ZSCAN22: variants seen among roughly 807,000 people sequenced by gnomAD.
ZSCAN22 encodes the protein zinc finger and SCAN domain-containing protein 22.
In ZSCAN22, 7 loss-of-function variants were observed where a neutral mutation model predicts 12.4. The observed-to-expected ratio is 0.57, with a 90% CI of 0.32 to 1.06. The LOEUF (loss-of-function observed/expected upper bound fraction) is 1.06, where lower values mean the gene tolerates loss of function less well. Among genes scored for constraint, ZSCAN22 ranks in the 50% least tolerant of loss-of-function variants. The pLI, the probability that ZSCAN22 is intolerant of heterozygous loss-of-function variation, is 0.04. For missense variants in ZSCAN22, 576 were observed against 631.7 expected (o/e 0.91, Z 0.94); for synonymous variants, 243 against 255.9 (o/e 0.95, Z 0.48).
Position 58,335,084 on chromosome 19 carries a change from G to A in ZSCAN22, c.282G>A (p.Leu94=). The change falls in exon 2 of 3, where the codon CTG becomes CTA. Residue 94 remains leucine (L), a synonymous_variant. Coordinates refer to ENST00000329665, the MANE Select transcript of ZSCAN22 (RefSeq NM_181846.3). This position sits in a 1 kb window ranked among gnomAD's most constrained non-coding sequence, Gnocchi z 4.1. ...SKEQILELLV[L]EQFLGALPPE... is the part of the protein sequence containing the mutation. ...AGCAGATACTGGAGCTGCTGGTGCTGGAGCAGTTCCTGGGTGCGCTGCCCC... is the reference window on the plus strand; with the variant it reads ...AGCAGATACTGGAGCTGCTGGTGCTAGAGCAGTTCCTGGGTGCGCTGCCCC... The A allele has an allele frequency of 6.2e-7, 1 of 1,614,150 alleles. No individual in the cohort carries two copies. The highest frequency in any genetic ancestry group is 8.5e-7 in the Non-Finnish European group (1 of 1,180,040).
At position 58,339,980 on chromosome 19, in the gene ZSCAN22, C is replaced by T. The variant is rs570334442; in HGVS notation, c.*654C>T. 7.5e-4 allele frequency: 115 copies of T among 153,088 alleles called. 1 individual carries two copies. The highest frequency in any genetic ancestry group is 2.2e-4 in the Non-Finnish European group (15 of 68,296). The allele number at this position is 153,088 out of a possible 1,614,324, so 9.5% of individuals were successfully genotyped here. Reference sequence around the variant, plus strand: ...CCTTCCACATCCCACCAGTCACCAGCGCTATTGTTTTAACCTAAAGCTTAT... The same window carrying T: ...CCTTCCACATCCCACCAGTCACCAGTGCTATTGTTTTAACCTAAAGCTTAT... On this transcript the variant is annotated 3_prime_UTR_variant, in exon 3 of 3. Coordinates refer to ENST00000329665, the MANE Select transcript of ZSCAN22 (RefSeq NM_181846.3). The surrounding 1 kb of genome is among the most constrained non-coding windows in gnomAD (Gnocchi z 5.6).
rs765287696 is a variant in ZSCAN22, at chr19:58,338,895, G to C, written c.1045G>C (p.Glu349Gln). Residue 349 changes from glutamate (E) to glutamine (Q), a missense_variant, in exon 3 of 3, where the codon GAG becomes CAG. Coordinates refer to ENST00000329665, the MANE Select transcript of ZSCAN22 (RefSeq NM_181846.3). This position sits in a 1 kb window ranked among gnomAD's most constrained non-coding sequence, Gnocchi z 5.4. The stretch of plus-strand genomic sequence containing the variant: ...TCAGCACCAAAGGATTCATACTGGA[G>C]AGAAACCCTACAAATGTGGGGAATG... Reference protein sequence around the residue: ...LTQHQRIHTGEKPYKCGECGK... With the variant: ...LTQHQRIHTGQKPYKCGECGK... 1.7e-5 allele frequency: 27 copies of C among 1,614,074 alleles called. No homozygotes were observed. The South Asian group carries it at 2.9e-4, about 17-fold the overall frequency.
At position 58,338,972 on chromosome 19, in the gene ZSCAN22, C is replaced by T. The variant is rs767473833; in HGVS notation, c.1122C>T (p.His374=). ...STHLTQHQRV[H]TGERPYECDA... Reference sequence around the variant, plus strand: ...ACCTCACCCAGCACCAGCGGGTGCACACGGGGGAGCGGCCCTACGAGTGTG... The same window carrying T: ...ACCTCACCCAGCACCAGCGGGTGCATACGGGGGAGCGGCCCTACGAGTGTG... Residue 374 remains histidine, a synonymous_variant, in exon 3 of 3, where the codon CAC becomes CAT. Coordinates refer to ENST00000329665, the MANE Select transcript of ZSCAN22 (RefSeq NM_181846.3). The surrounding 1 kb of genome is among the most constrained non-coding windows in gnomAD (Gnocchi z 5.4). 1.9e-6 allele frequency: 3 copies of T among 1,613,098 alleles called. No individual in the cohort carries two copies. Among genetic ancestry groups the T allele is most frequent in the South Asian group, 1.1e-5 (1 of 91,004 alleles).
At chr19:58,334,669 C>T in intron 1 of ZSCAN22, 83 bp from the exon 2 acceptor site, 2 of 1,043,622 alleles carry the variant, frequency 1.9e-6, no homozygotes, top group Non-Finnish European at 2.7e-6. Context: ...TCTCACGGGC[C>T]ACAAGCCTGT....
chr19:58,328,347 T>C (rs2051681304), intron 1 of ZSCAN22, among the ~76,000 whole-genome samples: 1 of 152,214 alleles, frequency 6.6e-6, no homozygotes, highest in Non-Finnish European at 1.5e-5. Flanking sequence ...GATTTGTGCT[T>C]TGCCATGTCT....
Position 58,329,930 on chromosome 19 carries a change from G to T in ZSCAN22, c.-52+2816G>T, listed in dbSNP as rs1166110726. On this transcript the variant is annotated intron_variant, in intron 1 of 2. Coordinates refer to ENST00000329665, the MANE Select transcript of ZSCAN22 (RefSeq NM_181846.3). This position sits in a 1 kb window ranked among gnomAD's most constrained non-coding sequence, Gnocchi z 4.1. ...AAATTGGAACCCTCATCCACAACTG[G>T]TGGGAATGCAAAATGGTATAGCCAA... Among the ~76,000 whole-genome samples, 2 of 152,192 alleles carry T rather than the reference G, an allele frequency of 1.3e-5. No homozygotes were observed. Among genetic ancestry groups the T allele is most frequent in the African/African-American group, 4.8e-5 (2 of 41,448 alleles).
intron 2 of ZSCAN22, among the ~76,000 whole-genome samples, chr19:58,337,218 C>T (rs948948140): frequency 1.3e-5 from 2 of 152,250 alleles, no homozygotes; most frequent in Non-Finnish European, 1.5e-5. Context: ...TTTTCACCAT[C>T]GTGGGCTTCT....
chr19:58,335,014 G>A lies in ZSCAN22; in HGVS notation c.212G>A (p.Arg71Gln), dbSNP rs750363630. The change falls in exon 2 of 3, where the codon CGA becomes CAA. Residue 71 changes from arginine to glutamine, a missense_variant. Arg to Gln is a conservative substitution (Grantham distance 43). Transcript: ENST00000329665. The surrounding 1 kb of genome is among the most constrained non-coding windows in gnomAD (Gnocchi z 4.1). The part of the protein sequence containing the change: ...SGPHEALAHL[R>Q]ALCCQWLQPE... The stretch of plus-strand genomic sequence containing the variant: ...CCACACGAGGCCCTGGCCCACCTCC[G>A]AGCGCTGTGCTGTCAGTGGCTGCAG... 6.2e-6 allele frequency: 10 copies of A among 1,613,958 alleles called. No individual in the cohort carries two copies. The African/African-American group carries it at 8.0e-5, about 13-fold the overall frequency.
At position 58,335,005 on chromosome 19, in the gene ZSCAN22, C is replaced by T. The variant is rs368889193; in HGVS notation, c.203C>T (p.Ala68Val). 9 of 1,614,050 alleles carry T rather than the reference C, an allele frequency of 5.6e-6. No individual in the cohort carries two copies. Among genetic ancestry groups the T allele is most frequent in the Non-Finnish European group, 7.6e-6 (9 of 1,180,030 alleles). ...EEASGPHEAL[A>V]HLRALCCQWL... ...GCATCTGGTCCACACGAGGCCCTGG[C>T]CCACCTCCGAGCGCTGTGCTGTCAG... Residue 68 changes from alanine (A) to valine (V), a missense_variant, in exon 2 of 3, where the codon GCC (alanine) becomes GTC (valine). Physicochemically the swap from Ala to Val is moderately conservative, Grantham distance 64. Transcript: ENST00000329665. The surrounding 1 kb of genome is among the most constrained non-coding windows in gnomAD (Gnocchi z 4.1).
At chr19:58,334,227 T>G (rs2147986134) in intron 1 of ZSCAN22, among the ~76,000 whole-genome samples, 1 of 152,354 alleles carries the variant, frequency 6.6e-6, no homozygotes, top group East Asian at 1.9e-4. Flanking sequence ...CTGAGGGACT[T>G]TGGGCAAATA....
chr19:58,338,613 G>A lies in ZSCAN22; in HGVS notation c.763G>A (p.Gly255Arg). The change falls in exon 3 of 3, where the codon GGG (glycine) becomes AGG (arginine). Residue 255 changes from glycine (G) to arginine (R), a missense_variant. Coordinates refer to ENST00000329665, the MANE Select transcript of ZSCAN22 (RefSeq NM_181846.3). This position sits in a 1 kb window ranked among gnomAD's most constrained non-coding sequence, Gnocchi z 5.4. Reference protein sequence around the residue: ...EDKFDLVDAYGTEPPYTYSGK... With the variant: ...EDKFDLVDAYRTEPPYTYSGK... ...CAAATTTGATCTGGTGGATGCTTAT[G>A]GGACAGAGCCTCCATACACCTACTC... The A allele has an allele frequency of 6.2e-7, 1 of 1,614,240 alleles. No homozygotes were observed. The highest frequency in any genetic ancestry group is 8.5e-7 in the Non-Finnish European group (1 of 1,180,046).
chr19:58,328,579 G>A (rs1031728478), intron 1 of ZSCAN22, among the ~76,000 whole-genome samples: 1 of 152,198 alleles, frequency 6.6e-6, no homozygotes, highest in Non-Finnish European at 1.5e-5. Flanking sequence ...CCATGTGTGA[G>A]AAATGAAAAG....
Position 58,335,628 on chromosome 19 carries a change from G to A in ZSCAN22, c.403+423G>A, listed in dbSNP as rs1212988643. 6.6e-6 allele frequency among the ~76,000 whole-genome samples: 1 copy of A among 152,202 alleles called. No individual in the cohort carries two copies. Among genetic ancestry groups the A allele is most frequent in the Admixed American group, 6.5e-5 (1 of 15,286 alleles). On this transcript the variant is annotated intron_variant, in intron 2 of 2. Coordinates refer to ENST00000329665, the MANE Select transcript of ZSCAN22 (RefSeq NM_181846.3). This position sits in a 1 kb window ranked among gnomAD's most constrained non-coding sequence, Gnocchi z 4.1. ...GGGTAATAACAATAAGAGGTCCCTG[G>A]TCTGAGCCCCCACTGGCCTGGTTGG... is the stretch of plus-strand genomic sequence containing the variant.
Position 58,334,766 on chromosome 19 carries a change from C to G in ZSCAN22, c.-37C>G, listed in dbSNP as rs780282094. On this transcript the variant is annotated 5_prime_UTR_variant, in exon 2 of 3. Transcript: ENST00000329665. ...CATTCCTGCAGGCCCAGTTCCAAGGCTCCGGCATCCTGTGTCTCACTGAGC... is the reference window on the plus strand; with the variant it reads ...CATTCCTGCAGGCCCAGTTCCAAGGGTCCGGCATCCTGTGTCTCACTGAGC... 6.5e-6 allele frequency: 10 copies of G among 1,541,618 alleles called. No homozygotes were observed. Among genetic ancestry groups the G allele is most frequent in the Non-Finnish European group, 8.8e-6 (10 of 1,142,596 alleles).
intron 1 of ZSCAN22, among the ~76,000 whole-genome samples, chr19:58,332,063 G>T (rs527346818): frequency 6.6e-6 from 1 of 151,392 alleles, no homozygotes; most frequent in Non-Finnish European, 1.5e-5. Context: ...AGTATAGATG[G>T]GGTTTCTCCA....
At position 58,334,918 on chromosome 19, in the gene ZSCAN22, A is replaced by T. The variant is rs1306886608; in HGVS notation, c.116A>T (p.His39Leu). Residue 39 changes from histidine (H) to leucine (L), a missense_variant, in exon 2 of 3, where the codon CAT becomes CTT. Coordinates refer to ENST00000329665, the MANE Select transcript of ZSCAN22 (RefSeq NM_181846.3). ...ASLSQGGESSHDHIAHSEAAR... is the reference protein window; with the variant it reads ...ASLSQGGESSLDHIAHSEAAR... ...CTCTCCCAGGGCGGAGAATCCAGCC[A>T]TGACCACATTGCTCACTCTGAGGCT... 1.2e-6 allele frequency: 2 copies of T among 1,614,178 alleles called. No individual in the cohort carries two copies. Among genetic ancestry groups the T allele is most frequent in the Non-Finnish European group, 1.7e-6 (2 of 1,180,048 alleles).
chr19:58,338,270 C>T lies in ZSCAN22; in HGVS notation c.420C>T (p.Ala140=), dbSNP rs146431696. 2.8e-5 allele frequency: 45 copies of T among 1,599,840 alleles called. No individual in the cohort carries two copies. Among genetic ancestry groups the T allele is most frequent in the South Asian group, 9.9e-5 (9 of 90,684 alleles). The change falls in exon 3 of 3, where the codon GCC becomes GCT. Residue 140 remains alanine (A), a synonymous_variant. Coordinates refer to ENST00000329665, the MANE Select transcript of ZSCAN22 (RefSeq NM_181846.3). This position sits in a 1 kb window ranked among gnomAD's most constrained non-coding sequence, Gnocchi z 5.4. ...CTGTTTCAGGATGGGATCCAGGAGC[C>T]GAGCCCACAGAGGCAAGCTGCAAGC... is the stretch of plus-strand genomic sequence containing the variant. The part of the protein sequence containing the change: ...VLDKRGWDPG[A]EPTEASCKQS...
intron 2 of ZSCAN22, among the ~76,000 whole-genome samples, chr19:58,336,501 G>A (rs978775133): frequency 6.6e-6 from 1 of 152,080 alleles, no homozygotes; most frequent in Non-Finnish European, 1.5e-5. Flanking sequence ...AAAAGCAGGT[G>A]GTGTGATGTT....
intron 1 of ZSCAN22, among the ~76,000 whole-genome samples, chr19:58,334,116 G>A (rs2051759685): frequency 6.6e-6 from 1 of 152,194 alleles, no homozygotes; most frequent in East Asian, 1.9e-4. Flanking sequence ...GGGGAACAGA[G>A]GGAGAAAGAC....
Sources: gnomAD v4.1 joint callset for allele counts (sites outside exome capture counted in the v4.1 genomes callset) on GRCh38, gnomAD v4.1.1 for gene constraint, Gnocchi (gnomAD v3.1) non-coding constraint, MANE v1.5 for transcripts, NCBI Gene and HGNC (gene_info 2026-07-23, HGNC 2026-07-21) for gene names.